The following GLB1 variants were observed in gnomAD, a reference collection of about 807,000 sequenced individuals.
GLB1 encodes galactosidase beta 1.
Under a neutral mutation model 74.0 loss-of-function variants are expected in GLB1, and 56 were observed. The ratio of observed to expected loss-of-function variants is 0.76; its 90% CI spans 0.61 to 0.94. The LOEUF is 0.94. Among genes scored for constraint, GLB1 ranks in the 40% least tolerant of loss-of-function variants. The probability of loss-of-function intolerance (pLI) is 0.00; values close to 1 mark genes in which losing one functional copy is unlikely to be tolerated. For missense variants in GLB1, 787 were observed against 845.5 expected, an observed-to-expected ratio of 0.93 and a Z score of 0.86; for synonymous variants, 323 against 323.6, an observed-to-expected ratio of 1.00 and a Z score of 0.02.
At chr3:33,070,851 A>G (rs1699863724) in intron 2 of GLB1, among the ~76,000 whole-genome samples, 1 of 152,208 alleles carries the variant, frequency 6.6e-6, no homozygotes. Context: ...GCTCTAAAAA[A>G]TTGTTTTAAT....
chr3:33,022,563 G>GTTTTTTTTTTTTTTTTTTTT (rs1380045437), intron 11 of GLB1, among the ~76,000 whole-genome samples: 4 of 15,314 alleles, frequency 2.6e-4, no homozygotes, highest in Non-Finnish European at 6.0e-4. Context: ...TACTGGTTAG[G>GTTTTTTTTTTTTTTTTTTTT]ATTTTTTTTT....
chr3:33,090,569 T>C, intron 1 of GLB1: 3 of 985,394 alleles, frequency 3.0e-6, no homozygotes, highest in Non-Finnish European at 3.6e-6. Flanking sequence ...ATTGAAAGAA[T>C]GATCAAGCTT....
chr3:32,984,671 C>G, the GLB1 span, among the ~76,000 whole-genome samples: 1 of 151,978 alleles, frequency 6.6e-6, no homozygotes, highest in Admixed American at 6.6e-5. Flanking sequence ...CGCCTGTAAT[C>G]CCAGCACTTT....
At chr3:33,053,611 AG>A (rs1485424300) in intron 6 of GLB1, 62 bp from the exon 7 acceptor site, 1 of 1,609,210 alleles carries the variant, frequency 6.2e-7, no homozygotes, top group African/African-American at 1.3e-5. Flanking sequence ...TTAAATAACA[AG>A]AGCCCTTCAT....
Position 33,021,704 on chromosome 3 carries a change from A to C in GLB1, c.1144-49T>G, listed in dbSNP as rs758816767. 2.0e-5 allele frequency: 31 copies of C among 1,586,916 alleles called. No individual in the cohort carries two copies. The South Asian group carries it at 3.4e-4, about 17-fold the overall frequency. On this transcript the variant is annotated intron_variant, in intron 11 of 15. Transcript: ENST00000307363. ...TCACACACTGCACCCCTCACTGGTC[A>C]TCAGGTTACAGAGTCATTCCCTAAT...
downstream of GLB1, among the ~76,000 whole-genome samples, chr3:32,993,493 C>T (rs541788402): frequency 6.8e-5 from 10 of 146,626 alleles, no homozygotes; most frequent in Non-Finnish European, 1.2e-4. Flanking sequence ...GTAGCTAGGA[C>T]TACAGGCATG....
downstream of GLB1, among the ~76,000 whole-genome samples, chr3:32,994,920 CAAAAAA>C (rs56169200): frequency 7.0e-4 from 81 of 115,766 alleles, 1 homozygote; most frequent in South Asian, 4.3e-3. Context: ...GACTCTGTTT[CAAAAAA>C]AAAAAAAAAA....
rs1332703081 is a variant in GLB1 at position 33,021,689 on chromosome 3, C to T, written c.1144-34G>A. ...AAACAAAAGCAGCATTCACACACTG[C>T]ACCCCTCACTGGTCATCAGGTTACA... On this transcript the variant is annotated intron_variant, in intron 11 of 15. Coordinates refer to ENST00000307363, the MANE Select transcript of GLB1 (RefSeq NM_000404.4). 3.7e-6 allele frequency: 6 copies of T among 1,602,546 alleles called. No homozygotes were observed. The African/African-American group carries it at 8.0e-5, about 21-fold the overall frequency.
At chr3:33,078,854 A>G (rs1006989598) in intron 1 of GLB1, among the ~76,000 whole-genome samples, 8 of 151,986 alleles carry the variant, frequency 5.3e-5, no homozygotes, top group African/African-American at 1.7e-4. Flanking sequence ...ATTTTTTAAG[A>G]TTTTTTGGAT....
chr3:33,091,306 A>G, intron 1 of GLB1: 3 of 985,428 alleles, frequency 3.0e-6, no homozygotes, highest in Non-Finnish European at 3.6e-6. Context: ...CAGATCCCCC[A>G]GAACCCCACT....
rs1699019661 is a variant in GLB1 at position 33,052,118 on chromosome 3, G to A, written c.793-114C>T. ...GTAAAGGGGGTTGACATGCTGACAT[G>A]CACTGCTTAACCCAGAGACGCCCCC... is the stretch of plus-strand genomic sequence containing the variant. On this transcript the variant is annotated intron_variant, in intron 7 of 15. Coordinates refer to ENST00000307363, the MANE Select transcript of GLB1 (RefSeq NM_000404.4). The A allele has an allele frequency of 1.9e-6, 3 of 1,578,712 alleles. No individual in the cohort carries two copies. The East Asian group carries it at 6.8e-5, about 36-fold the overall frequency.
intron 1 of GLB1, among the ~76,000 whole-genome samples, chr3:33,082,275 G>A (rs1416436111): frequency 6.6e-6 from 1 of 152,154 alleles, no homozygotes; most frequent in African/African-American, 2.4e-5. Flanking sequence ...TCCATCACAC[G>A]GTTATTTCCC....
the GLB1 span, among the ~76,000 whole-genome samples, chr3:32,990,440 T>C: frequency 6.6e-6 from 1 of 152,196 alleles, no homozygotes; most frequent in Non-Finnish European, 1.5e-5. Flanking sequence ...TCCTACACAG[T>C]GGCATGGGGT....
At chr3:32,981,726 T>C in the GLB1 span, among the ~76,000 whole-genome samples, 2 of 149,036 alleles carry the variant, frequency 1.3e-5, no homozygotes, top group African/African-American at 4.9e-5. Flanking sequence ...TGAGCTGAGA[T>C]TGCACCACTG....
At chr3:33,025,188 G>T (rs1323283424) in intron 10 of GLB1, among the ~76,000 whole-genome samples, 1 of 152,050 alleles carries the variant, frequency 6.6e-6, no homozygotes, top group African/African-American at 2.4e-5. Flanking sequence ...CAGGTGATCC[G>T]CCCGCCTCAG....
chr3:33,006,450 AAC>A (rs1330704383), intron 15 of GLB1, among the ~76,000 whole-genome samples: 1 of 152,174 alleles, frequency 6.6e-6, no homozygotes, highest in Non-Finnish European at 1.5e-5. Context: ...AGTCCATGGA[AAC>A]AGTGTCTTCC....
chr3:32,964,142 AGACT>A, the GLB1 span, among the ~76,000 whole-genome samples: 1 of 152,242 alleles, frequency 6.6e-6, no homozygotes, highest in Admixed American at 6.5e-5. Context: ...TGATATAAAC[AGACT>A]ATCATTGGAG....
the GLB1 span, among the ~76,000 whole-genome samples, chr3:32,976,010 C>T: frequency 2.6e-5 from 4 of 152,182 alleles, no homozygotes; most frequent in African/African-American, 9.7e-5. Flanking sequence ...AAGGCAGGGG[C>T]TTAATCTCAG....
chr3:33,090,587 C>A, intron 1 of GLB1: 1 of 985,316 alleles, frequency 1.0e-6, no homozygotes, highest in Non-Finnish European at 1.2e-6. Context: ...CTTCAAGTAA[C>A]GTTTCTCACC....
Sources: allele counts gnomAD v4.1 joint callset (sites outside exome capture counted in the v4.1 genomes callset), GRCh38; gene constraint gnomAD v4.1.1; transcripts MANE v1.5; gene names NCBI Gene and HGNC (gene_info 2026-07-23, HGNC 2026-07-21).